Variants in NBPF8 observed in about 807,000 individuals in gnomAD.
NBPF8 encodes NBPF family member NBPF8.
downstream of NBPF8, among the ~76,000 whole-genome samples, chr1:120,469,576 C>T (rs1661859404): frequency 6.6e-6 from 1 of 151,980 alleles, no homozygotes. Flanking sequence ...TATTTGTTCT[C>T]TTAGTACTGT....
intron 11 of NBPF8, among the ~76,000 whole-genome samples, chr1:120,450,275 G>A (rs1318085115): frequency 2.6e-5 from 4 of 152,122 alleles, no homozygotes; most frequent in African/African-American, 7.2e-5. Context: ...AAAGCAGAGA[G>A]TAGCTTGGTG....
At chr1:120,468,076 C>CTAA (rs1448481476), downstream of NBPF8, among the ~76,000 whole-genome samples, 3 of 151,280 alleles carry the variant, frequency 2.0e-5, no homozygotes, top group East Asian at 5.9e-4. Flanking sequence ...AGACACACTT[C>CTAA]TAATATTTGG....
upstream of NBPF8, among the ~76,000 whole-genome samples, chr1:120,431,509 A>G (rs1160036395): frequency 1.3e-5 from 2 of 151,454 alleles, no homozygotes; most frequent in Non-Finnish European, 2.9e-5. Flanking sequence ...AGATACATGA[A>G]TGGGCAATTA....
intron 20 of NBPF8, 86 bp downstream of exon 18, chr1:120,462,283 C>T (rs1256858291): frequency 1.5e-5 from 10 of 676,756 alleles, no homozygotes; most frequent in Non-Finnish European, 2.6e-5. Context: ...TGTTCAATTT[C>T]ATGTTTTCAA....
Position 120,466,117 on chromosome 1 carries a change from G to A in NBPF8, n.3708G>A, listed in dbSNP as rs1249939782. On this transcript the variant is annotated non_coding_transcript_exon_variant, in exon 25 of 25. Coordinates refer to ENST00000583271, the Ensembl canonical transcript of NBPF8. The stretch of plus-strand genomic sequence containing the variant: ...CAGAAGTGTGTTTTACTCATTTGAG[G>A]AACAGCACATCAGCTTTGCCCTTGA... 1.2e-5 allele frequency: 20 copies of A among 1,610,872 alleles called. No individual in the cohort carries two copies. The East Asian group carries it at 4.5e-4, about 36-fold the overall frequency.
chr1:120,425,674 C>A (rs1660708798), intron 1 of NBPF8, among the ~76,000 whole-genome samples: 1 of 151,722 alleles, frequency 6.6e-6, no homozygotes, highest in South Asian at 2.1e-4. Flanking sequence ...GTCTCTCCTT[C>A]CACCTAATGA....
At chr1:120,463,162 T>C (rs1194374986) in intron 21 of NBPF8, among the ~76,000 whole-genome samples, 196 bp downstream of exon 19, 3,465 of 148,548 alleles carry the variant, frequency 0.023, 120 homozygotes, top group African/African-American at 0.082. Flanking sequence ...AGCAAGGCTC[T>C]ATTCCTAGTC....
chr1:120,416,838 C>A (rs79511524), upstream of NBPF8, among the ~76,000 whole-genome samples: 1 of 150,706 alleles, frequency 6.6e-6, no homozygotes, highest in Non-Finnish European at 1.5e-5. Flanking sequence ...TTGCTGATGC[C>A]TGTCAGTTAA....
At chr1:120,423,134 G>C in intron 1 of NBPF8, among the ~76,000 whole-genome samples, 1 of 135,680 alleles carries the variant, frequency 7.4e-6, no homozygotes, top group African/African-American at 3.3e-5. Context: ...TTTTAATGAG[G>C]CTCAACTTAA....
At chr1:120,450,964 G>A (rs1447821018) in intron 11 of NBPF8, among the ~76,000 whole-genome samples, 2 of 151,368 alleles carry the variant, frequency 1.3e-5, no homozygotes, top group African/African-American at 2.4e-5. Flanking sequence ...CTTCCTTGAT[G>A]TGCCCTTGAG....
upstream of NBPF8, among the ~76,000 whole-genome samples, chr1:120,415,437 C>A (rs1553245001): frequency 1.9e-3 from 291 of 152,256 alleles, 4 homozygotes; most frequent in African/African-American, 6.7e-3. Context: ...GGCTTAAGTT[C>A]CATGCGTTCG....
At chr1:120,464,418 G>T in exon 23 of NBPF8, 1 of 733,964 alleles carries the variant, frequency 1.4e-6, no homozygotes, top group South Asian at 1.4e-5. Flanking sequence ...CTGAAGTCTT[G>T]CAGGACTCAC....
intron 3 of NBPF8, among the ~76,000 whole-genome samples, 141 bp downstream of exon 3, chr1:120,427,988 C>A (rs1256395740): frequency 6.6e-6 from 1 of 152,126 alleles, no homozygotes; most frequent in East Asian, 1.9e-4. Context: ...ATGATGATGT[C>A]CCTTGTTCAA....
chr1:120,434,908 TCTC>T (rs1456691853), upstream of NBPF8, among the ~76,000 whole-genome samples: 2 of 92,332 alleles, frequency 2.2e-5, no homozygotes, highest in African/African-American at 5.5e-5. Context: ...TTAAAAAGCT[TCTC>T]CTTATTATGT....
chr1:120,423,392 A>G (rs1308551922), intron 1 of NBPF8, among the ~76,000 whole-genome samples: 1 of 107,512 alleles, frequency 9.3e-6, no homozygotes, highest in Non-Finnish European at 1.9e-5. Flanking sequence ...GCTGCTTTAA[A>G]TTGTCTCTAA....
At chr1:120,415,315 G>A (rs1660399892), upstream of NBPF8, among the ~76,000 whole-genome samples, 9 of 152,088 alleles carry the variant, frequency 5.9e-5, no homozygotes, top group South Asian at 1.9e-3. Context: ...GTGAGTCCGG[G>A]ACCCGCGGGT....
chr1:120,432,199 T>C (rs1660899252), upstream of NBPF8: 2 of 139,864 alleles, frequency 1.4e-5, no homozygotes, highest in Non-Finnish European at 3.1e-5. Context: ...AATAAACTTG[T>C]TTGTGGAGGC....
chr1:120,452,797 A>G lies in NBPF8; in HGVS notation n.2289+466A>G, dbSNP rs1661320958. On this transcript the variant is annotated intron_variant and non_coding_transcript_variant, in intron 13 of 24. Transcript: ENST00000583271. ...AGCATTCAAATGTGGGAACACTTAC[A>G]ACTGCTTTCCAAAATGAGATGAAGG... Among the ~76,000 whole-genome samples the G allele has an allele frequency of 3.9e-5, 6 of 152,296 alleles. No homozygotes were observed. The South Asian group carries it at 1.2e-3, about 32-fold the overall frequency.
downstream of NBPF8, among the ~76,000 whole-genome samples, chr1:120,468,104 T>TAAC (rs1215001015): frequency 4.6e-5 from 7 of 151,252 alleles, no homozygotes; most frequent in African/African-American, 1.2e-4. Flanking sequence ...TTTTAAATTA[T>TAAC]AACTTTCAGC....
Sources: gnomAD v4.1 joint callset for allele counts (sites outside exome capture counted in the v4.1 genomes callset) on GRCh38, gnomAD v4.1.1 for gene constraint, MANE v1.5 for transcripts, NCBI Gene and HGNC (gene_info 2026-07-23, HGNC 2026-07-21) for gene names.